Variants in ROBO2 observed in about 807,000 individuals in gnomAD.
ROBO2 encodes the protein roundabout guidance receptor 2.
A neutral mutation model predicts 160.8 loss-of-function variants in ROBO2; 53 were observed. The ratio of observed to expected loss-of-function variants is 0.33; its 90% CI spans 0.26 to 0.41. The LOEUF is 0.41. ROBO2 is among the 10% of genes least tolerant of loss of function. The pLI is 1.00. For synonymous variants in ROBO2, 664 were observed against 611.7 expected (o/e 1.09, Z -1.26); for missense variants, 1,577 against 1,722.4 (o/e 0.92, Z 1.49).
At chr3:76,536,988 C>T (rs1271028495) in intron 2 of ROBO2, among the ~76,000 whole-genome samples, 1 of 151,958 alleles carries the variant, frequency 6.6e-6, no homozygotes, top group Non-Finnish European at 1.5e-5. Context: ...GTAAGCCAGA[C>T]TGAGCGTGAG....
intron 1 of ROBO2, among the ~76,000 whole-genome samples, chr3:77,068,593 G>A (rs1236002024): frequency 6.6e-6 from 1 of 151,860 alleles, no homozygotes; most frequent in Admixed American, 6.6e-5. Context: ...TCACCCCAAA[G>A]TATGATATAA....
intron 2 of ROBO2, among the ~76,000 whole-genome samples, chr3:76,213,376 G>T (rs1187956139): frequency 6.6e-6 from 1 of 152,056 alleles, no homozygotes; most frequent in Non-Finnish European, 1.5e-5. Context: ...AAAAAGAAGA[G>T]TATGGGAAAT....
intron 2 of ROBO2, among the ~76,000 whole-genome samples, chr3:76,513,167 T>C (rs2081187343): frequency 6.6e-6 from 1 of 152,144 alleles, no homozygotes; most frequent in South Asian, 2.1e-4. Flanking sequence ...TAAGCCATTG[T>C]AAGAGCTATA....
intron 2 of ROBO2, among the ~76,000 whole-genome samples, chr3:76,572,049 G>A (rs756957359): frequency 7.4e-4 from 113 of 152,076 alleles, no homozygotes; most frequent in Non-Finnish European, 1.4e-3. Flanking sequence ...CTTAAGAAGT[G>A]ATATTATACC....
chr3:77,033,337 C>T (rs2063438668), intron 2 of ROBO2, among the ~76,000 whole-genome samples: 1 of 152,130 alleles, frequency 6.6e-6, no homozygotes, highest in Non-Finnish European at 1.5e-5. Flanking sequence ...GAATGGTTTA[C>T]TTAAGAACAC....
chr3:77,228,983 C>T (rs1445788223), intron 2 of ROBO2, among the ~76,000 whole-genome samples: 1 of 152,190 alleles, frequency 6.6e-6, no homozygotes, highest in Non-Finnish European at 1.5e-5. Context: ...AATCTGTCTG[C>T]TAGGTTCATT....
chr3:76,622,570 G>A (rs1289187286), intron 2 of ROBO2, among the ~76,000 whole-genome samples: 1 of 152,106 alleles, frequency 6.6e-6, no homozygotes, highest in African/African-American at 2.4e-5. Flanking sequence ...TAAAGAGCCA[G>A]GTAGTTCAAA....
chr3:77,511,054 A>T (rs2089326850), intron 5 of ROBO2, among the ~76,000 whole-genome samples: 1 of 151,958 alleles, frequency 6.6e-6, no homozygotes, highest in Admixed American at 6.6e-5. Context: ...GACCACAAAA[A>T]TTTTGTGAGG....
intron 2 of ROBO2, among the ~76,000 whole-genome samples, chr3:76,368,434 G>C (rs2108458622): frequency 6.6e-6 from 1 of 151,858 alleles, no homozygotes. Flanking sequence ...AGCAATTGTT[G>C]TTCAGCAGCC....
intron 2 of ROBO2, among the ~76,000 whole-genome samples, chr3:76,414,722 T>C (rs2108867386): frequency 6.7e-6 from 1 of 148,650 alleles, no homozygotes; most frequent in South Asian, 2.1e-4. Context: ...CATATGTAAC[T>C]AACCTGCACA....
chr3:76,981,903 AC>A (rs2060118836), intron 2 of ROBO2, among the ~76,000 whole-genome samples: 1 of 152,104 alleles, frequency 6.6e-6, no homozygotes, highest in South Asian at 2.1e-4. Flanking sequence ...TCTCCCCAGA[AC>A]AAACTCACTA....
At chr3:77,205,794 A>G (rs1216483300) in intron 2 of ROBO2, among the ~76,000 whole-genome samples, 3 of 152,196 alleles carry the variant, frequency 2.0e-5, no homozygotes, top group Admixed American at 2.0e-4. Context: ...CTTTGAGTGA[A>G]GATAAGGCAA....
At chr3:77,042,992 C>A (rs1397461464) in intron 1 of ROBO2, among the ~76,000 whole-genome samples, 1 of 152,134 alleles carries the variant, frequency 6.6e-6, no homozygotes, top group Non-Finnish European at 1.5e-5. Context: ...GCAAAGGAAA[C>A]CCTGGACACT....
intron 2 of ROBO2, among the ~76,000 whole-genome samples, chr3:76,747,717 A>C (rs2093916687): frequency 6.6e-6 from 1 of 151,964 alleles, no homozygotes; most frequent in African/African-American, 2.4e-5. Flanking sequence ...ACTAAATCCC[A>C]GTAAATTTTT....
chr3:76,080,593 A>AT (rs755436416), intron 2 of ROBO2, among the ~76,000 whole-genome samples: 189 of 152,256 alleles, frequency 1.2e-3, no homozygotes, highest in African/African-American at 3.0e-3. Context: ...CTTACAAAGA[A>AT]TTTTTTGATC....
chr3:77,259,448 A>G (rs1330559898), intron 2 of ROBO2, among the ~76,000 whole-genome samples: 1 of 152,210 alleles, frequency 6.6e-6, no homozygotes, highest in Admixed American at 6.5e-5. Context: ...TAAAAATATT[A>G]TGTATTTTAA....
At chr3:76,809,616 G>C in intron 2 of ROBO2, among the ~76,000 whole-genome samples, 1 of 152,124 alleles carries the variant, frequency 6.6e-6, no homozygotes, top group East Asian at 1.9e-4. Context: ...TATCGCCTTA[G>C]GGAATGCCCA....
chr3:76,730,264 A>C (rs1476617031), intron 2 of ROBO2, among the ~76,000 whole-genome samples: 6 of 58,184 alleles, frequency 1.0e-4, no homozygotes, highest in East Asian at 4.5e-4. Context: ...GCTTCTCCTC[A>C]CCTCCTACTC....
chr3:76,204,692 C>T (rs1423839407), intron 2 of ROBO2, among the ~76,000 whole-genome samples: 1 of 152,136 alleles, frequency 6.6e-6, no homozygotes, highest in African/African-American at 2.4e-5. Flanking sequence ...AAAGTGTTAT[C>T]TTCATGTAAC....
Sources: gnomAD v4.1 joint callset for allele counts (sites outside exome capture counted in the v4.1 genomes callset) on GRCh38, gnomAD v4.1.1 for gene constraint, MANE v1.5 for transcripts, NCBI Gene and HGNC (gene_info 2026-07-23, HGNC 2026-07-21) for gene names.